The following ASCC3 variants were observed in gnomAD, a reference collection of about 807,000 sequenced individuals.
ASCC3 encodes the protein activating signal cointegrator 1 complex subunit 3.
A neutral mutation model predicts 256.3 loss-of-function variants in ASCC3; 158 were observed. The observed-to-expected ratio is 0.62, with a 90% CI of 0.54 to 0.70. The LOEUF is 0.70. ASCC3 is among the 30% of genes least tolerant of loss of function. The pLI, the probability that ASCC3 is intolerant of heterozygous loss-of-function variation, is 0.00. For missense variants in ASCC3, 2,259 were observed against 2,626.0 expected, an observed-to-expected ratio of 0.86 and a Z score of 3.05; for synonymous variants, 948 against 883.4, an observed-to-expected ratio of 1.07 and a Z score of -1.30.
rs1424990555 is a variant in ASCC3, at chr6:100,650,599, T to A, written c.3191A>T (p.Tyr1064Phe). 6.2e-7 allele frequency: 1 copy of A among 1,612,760 alleles called. No homozygotes were observed. The highest frequency in any genetic ancestry group is 1.3e-5 in the African/African-American group (1 of 74,852). ...ACTGTCCATTTCTCCTCGGCTGATA[T>A]AAGTTTGAAGTAAGATGTTTATTTT... ...YGKINILLQT[Y>F]ISRGEMDSFS... Residue 1064 changes from tyrosine to phenylalanine, a missense_variant, in exon 20 of 42, where the codon TAT becomes TTT. Physicochemically the swap from Tyr to Phe is conservative, Grantham distance 22. Transcript: ENST00000369162.
rs182346457 is a variant in ASCC3, at chr6:100,767,838, G to A, written c.1396-493C>T. Among the ~76,000 whole-genome samples, 33 of 151,276 alleles carry A rather than the reference G, an allele frequency of 2.2e-4. 1 individual carries two copies. Among genetic ancestry groups the A allele is most frequent in the African/African-American group, 7.0e-4 (29 of 41,234 alleles). Reference sequence around the variant, plus strand: ...TCACCATGTTAGCTAGGATGGTCTCGATCTCCTGACCTCGTGATCCGCCCA... The same window carrying A: ...TCACCATGTTAGCTAGGATGGTCTCAATCTCCTGACCTCGTGATCCGCCCA... On this transcript the variant is annotated intron_variant, in intron 8 of 41. Transcript: ENST00000369162.
At position 100,681,790 on chromosome 6, in the gene ASCC3, C is replaced by T. The variant is rs1777323542; in HGVS notation, c.2152-2038G>A. Among the ~76,000 whole-genome samples, 3 of 146,302 alleles carry T rather than the reference C, an allele frequency of 2.1e-5. No individual in the cohort carries two copies. In the South Asian group the frequency reaches 6.6e-4, roughly 32 times the overall value. ...AAGAGTACACTAATAGAATTTATTT[C>T]AGAAAGTTTGCAGGTACTGGGACAT... On this transcript the variant is annotated intron_variant, in intron 13 of 41. Coordinates refer to ENST00000369162, the MANE Select transcript of ASCC3 (RefSeq NM_006828.4).
chr6:100,608,145 T>TGTATATATATA (rs769880521), intron 30 of ASCC3, among the ~76,000 whole-genome samples: 1 of 110,426 alleles, frequency 9.1e-6, no homozygotes, highest in Admixed American at 1.1e-4. Flanking sequence ...TGTATATATA[T>TGTATATATATA]CTATATATAC....
At chr6:100,646,356 C>T (rs1775378870) in intron 22 of ASCC3, among the ~76,000 whole-genome samples, 1 of 152,120 alleles carries the variant, frequency 6.6e-6, no homozygotes, top group African/African-American at 2.4e-5. Flanking sequence ...GTCGCCCAGG[C>T]TGGAGTGCAG....
At chr6:100,693,922 C>T (rs961508463) in intron 13 of ASCC3, among the ~76,000 whole-genome samples, 1 of 152,052 alleles carries the variant, frequency 6.6e-6, no homozygotes, top group African/African-American at 2.4e-5. Flanking sequence ...GAGAAATCCA[C>T]ATCTCTTTTC....
At chr6:100,578,958 A>G (rs1314696406) in intron 36 of ASCC3, among the ~76,000 whole-genome samples, 1 of 151,958 alleles carries the variant, frequency 6.6e-6, no homozygotes, top group South Asian at 2.1e-4. Context: ...TGTATAAATG[A>G]TGCCTTTTCT....
chr6:100,580,632 G>A (rs1771174690), intron 36 of ASCC3, among the ~76,000 whole-genome samples: 2 of 151,810 alleles, frequency 1.3e-5, no homozygotes, highest in Admixed American at 1.3e-4. Context: ...TGCACAATGT[G>A]CAGGTTAGTT....
intron 26 of ASCC3, 57 bp from the exon 27 acceptor site, chr6:100,629,238 A>T: frequency 1.3e-6 from 2 of 1,512,096 alleles, no homozygotes; most frequent in Non-Finnish European, 1.8e-6. Context: ...ATGACCTTGG[A>T]AATGCAAAAA....
intron 1 of ASCC3, among the ~76,000 whole-genome samples, chr6:100,878,147 A>C (rs138402612): frequency 3.3e-3 from 507 of 152,342 alleles, no homozygotes; most frequent in Admixed American, 5.4e-3. Context: ...TTGCTCCTGA[A>C]TAGTTCTCAA....
intron 14 of ASCC3, among the ~76,000 whole-genome samples, chr6:100,676,783 CA>C (rs759810916): frequency 1.4e-5 from 2 of 145,318 alleles, no homozygotes; most frequent in Non-Finnish European, 3.0e-5. Flanking sequence ...CACACACACA[CA>C]AAAGGAGGAT....
At chr6:100,584,595 T>A (rs1217272216) in intron 36 of ASCC3, among the ~76,000 whole-genome samples, 5 of 152,170 alleles carry the variant, frequency 3.3e-5, no homozygotes, top group Non-Finnish European at 5.9e-5. Context: ...TTAAAGTTAA[T>A]ATTGTTATGT....
Position 100,628,058 on chromosome 6 carries a change from G to A in ASCC3, c.4376-71C>T, listed in dbSNP as rs1375752104. The A allele has an allele frequency of 1.9e-5, 28 of 1,491,848 alleles. 1 individual carries two copies. Among genetic ancestry groups the A allele is most frequent in the Non-Finnish European group, 9.3e-6 (10 of 1,080,458 alleles). 92.4% of individuals were successfully genotyped at this position (1,491,848 alleles called of 1,614,324 possible). On this transcript the variant is annotated intron_variant, in intron 27 of 41. Transcript: ENST00000369162. ...GTTGGTCATTGCAGCAACCACAAAA[G>A]GAAGAGTTTGTAGCTTCCTCAAAAA...
At chr6:100,745,906 C>T (rs1180002411) in intron 10 of ASCC3, among the ~76,000 whole-genome samples, 1 of 151,928 alleles carries the variant, frequency 6.6e-6, no homozygotes, top group South Asian at 2.1e-4. Context: ...CAATCAGTAA[C>T]CCACTTTGTC....
chr6:100,763,203 T>C (rs991010808), intron 10 of ASCC3, among the ~76,000 whole-genome samples: 4 of 152,192 alleles, frequency 2.6e-5, no homozygotes, highest in Non-Finnish European at 4.4e-5. Context: ...TCTGTAAGAA[T>C]CTGTGAGAAG....
chr6:100,666,681 G>T (rs1223031685), intron 14 of ASCC3, among the ~76,000 whole-genome samples: 1 of 152,050 alleles, frequency 6.6e-6, no homozygotes, highest in Non-Finnish European at 1.5e-5. Context: ...TTTTACAGAA[G>T]GATATTTGCA....
chr6:100,636,394 G>A (rs1280637591), intron 25 of ASCC3, among the ~76,000 whole-genome samples: 1 of 152,046 alleles, frequency 6.6e-6, no homozygotes, highest in Non-Finnish European at 1.5e-5. Context: ...TGATAATTGT[G>A]TGTGTTCTAA....
intron 10 of ASCC3, among the ~76,000 whole-genome samples, chr6:100,739,852 T>C (rs13437380): frequency 0.066 from 10,027 of 152,182 alleles, 754 homozygotes; most frequent in East Asian, 0.3. Context: ...GCTAGTGGTC[T>C]AACAATTTTG....
At chr6:100,832,765 C>A (rs1771684025) in intron 4 of ASCC3, among the ~76,000 whole-genome samples, 1 of 151,840 alleles carries the variant, frequency 6.6e-6, no homozygotes, top group Admixed American at 6.6e-5. Flanking sequence ...TATTATCAAT[C>A]CCACAGACAA....
chr6:100,773,762 T>C (rs990276544), intron 8 of ASCC3, among the ~76,000 whole-genome samples: 2 of 152,150 alleles, frequency 1.3e-5, no homozygotes, highest in African/African-American at 4.8e-5. Context: ...TACATTTTTA[T>C]TGAATGATTT....
Sources: allele counts gnomAD v4.1 joint callset (sites outside exome capture counted in the v4.1 genomes callset), GRCh38; gene constraint gnomAD v4.1.1; transcripts MANE v1.5; gene names NCBI Gene and HGNC (gene_info 2026-07-23, HGNC 2026-07-21).